Variants in DPP10 observed in about 807,000 individuals in gnomAD.
DPP10 encodes inactive dipeptidyl peptidase 10.
DPP10 carries 33 observed loss-of-function variants against 120.9 expected under a neutral mutation model. That is an observed-to-expected ratio of 0.27 (90% CI 0.21 to 0.37). DPP10 has a LOEUF of 0.37. Among genes scored for constraint, DPP10 ranks in the 10% least tolerant of loss-of-function variants. DPP10 has a pLI of 1.00. For missense variants in DPP10, 816 were observed against 942.8 expected (o/e 0.87, Z 1.76); for synonymous variants, 337 against 326.1 (o/e 1.03, Z -0.36).
chr2:114,926,746 G>T (rs576873955), intron 1 of DPP10, among the ~76,000 whole-genome samples: 1 of 152,242 alleles, frequency 6.6e-6, no homozygotes, highest in South Asian at 2.1e-4. Context: ...GAACAGCCAG[G>T]TCAAATCTAA....
At chr2:115,151,898 T>C (rs1202257670) in intron 1 of DPP10, among the ~76,000 whole-genome samples, 2 of 152,016 alleles carry the variant, frequency 1.3e-5, no homozygotes, top group African/African-American at 2.4e-5. Context: ...CTTTAAAGTG[T>C]TATTTTTGTA....
intron 1 of DPP10, among the ~76,000 whole-genome samples, chr2:114,464,312 T>G (rs2104580094): frequency 6.6e-6 from 1 of 152,324 alleles, no homozygotes; most frequent in South Asian, 2.1e-4. Flanking sequence ...TAATGGTATC[T>G]TCTTGTTTTA....
At chr2:115,701,730 A>G (rs2091897517) in intron 7 of DPP10, among the ~76,000 whole-genome samples, 1 of 152,100 alleles carries the variant, frequency 6.6e-6, no homozygotes, top group African/African-American at 2.4e-5. Context: ...GGAATAAAGT[A>G]TACAGGAGTT....
intron 1 of DPP10, among the ~76,000 whole-genome samples, chr2:114,892,398 T>A (rs191364117): frequency 1.5e-3 from 221 of 152,294 alleles, no homozygotes; most frequent in African/African-American, 4.8e-3. Flanking sequence ...CATGGAGAAC[T>A]GAGAAACAAC....
chr2:115,276,578 G>T (rs1158548929), intron 1 of DPP10, among the ~76,000 whole-genome samples: 1 of 152,158 alleles, frequency 6.6e-6, no homozygotes, highest in Non-Finnish European at 1.5e-5. Flanking sequence ...AGTGAGAAAG[G>T]TGACATTACT....
chr2:114,654,290 T>A (rs1196619173), intron 1 of DPP10, among the ~76,000 whole-genome samples: 2 of 152,162 alleles, frequency 1.3e-5, no homozygotes, highest in African/African-American at 4.8e-5. Context: ...TGACTTCCCA[T>A]TACATGACTT....
intron 5 of DPP10, among the ~76,000 whole-genome samples, chr2:115,657,532 T>C (rs1289532159): frequency 6.6e-6 from 1 of 151,880 alleles, no homozygotes; most frequent in Non-Finnish European, 1.5e-5. Context: ...CTCTTGTCTT[T>C]TCTCCCAGCT....
At chr2:114,445,771 A>G (rs13391077) in intron 1 of DPP10, among the ~76,000 whole-genome samples, 3,726 of 152,210 alleles carry the variant, frequency 0.024, 162 homozygotes, top group African/African-American at 0.084. Context: ...CGTTCTGGCC[A>G]TTCTTTAGCT....
intron 1 of DPP10, among the ~76,000 whole-genome samples, chr2:114,444,394 A>G (rs1677825901): frequency 6.6e-6 from 1 of 152,188 alleles, no homozygotes; most frequent in Non-Finnish European, 1.5e-5. Flanking sequence ...ACTGCTAAGT[A>G]TGTCTAGAAT....
At chr2:115,329,312 A>G (rs1397267663) in intron 2 of DPP10, among the ~76,000 whole-genome samples, 1 of 152,082 alleles carries the variant, frequency 6.6e-6, no homozygotes, top group Non-Finnish European at 1.5e-5. Flanking sequence ...TTTTGGAAAT[A>G]TACTCAGATA....
chr2:115,184,187 T>C (rs2105168930), intron 1 of DPP10, among the ~76,000 whole-genome samples: 1 of 152,266 alleles, frequency 6.6e-6, no homozygotes, highest in East Asian at 1.9e-4. Context: ...TGTGGGAGAT[T>C]ATGGGTCAGA....
intron 1 of DPP10, among the ~76,000 whole-genome samples, chr2:115,184,830 T>C (rs1173343526): frequency 6.6e-6 from 1 of 152,188 alleles, no homozygotes; most frequent in Non-Finnish European, 1.5e-5. Context: ...CAGAATAATC[T>C]AGTAGAAGCT....
At chr2:115,571,511 C>T (rs1196395538) in intron 5 of DPP10, among the ~76,000 whole-genome samples, 1 of 152,034 alleles carries the variant, frequency 6.6e-6, no homozygotes, top group Non-Finnish European at 1.5e-5. Flanking sequence ...CGTTAATTCA[C>T]TTAGGGTAAT....
At chr2:115,414,717 T>C (rs1437576912) in intron 3 of DPP10, among the ~76,000 whole-genome samples, 1 of 152,176 alleles carries the variant, frequency 6.6e-6, no homozygotes, top group East Asian at 1.9e-4. Context: ...AATGTGAAAT[T>C]AGCTTTGCCT....
intron 19 of DPP10, among the ~76,000 whole-genome samples, chr2:115,800,211 C>G (rs368104906): frequency 6.6e-6 from 1 of 151,716 alleles, no homozygotes; most frequent in Non-Finnish European, 1.5e-5. Context: ...TTTCATGTGT[C>G]TTTTGGCTGC....
chr2:115,145,690 C>T (rs190394955), intron 1 of DPP10, among the ~76,000 whole-genome samples: 81 of 152,098 alleles, frequency 5.3e-4, no homozygotes, highest in East Asian at 3.1e-3. Context: ...CTGGATCATA[C>T]GGTAAGAGTA....
Position 114,662,126 on chromosome 2 carries a change from G to A in DPP10, c.60+219288G>A, listed in dbSNP as rs769422648. ...GGAAAGGCCTCTGCCGCTCAGTGGG[G>A]ACCCAGCAAAGCCAAAAATCAGGTC... On this transcript the variant is annotated intron_variant, in intron 1 of 25. Transcript: ENST00000410059. Among the ~76,000 whole-genome samples, 5 of 152,268 alleles carry A rather than the reference G, an allele frequency of 3.3e-5. No homozygotes were observed. The East Asian group carries it at 9.7e-4, about 29-fold the overall frequency.
intron 1 of DPP10, among the ~76,000 whole-genome samples, chr2:114,706,432 TA>T (rs1006794865): frequency 6.6e-6 from 1 of 152,188 alleles, no homozygotes; most frequent in African/African-American, 2.4e-5. Context: ...CTGAAGACTC[TA>T]AAGGAGAATA....
At chr2:115,106,844 G>A (rs894194140) in intron 1 of DPP10, among the ~76,000 whole-genome samples, 3 of 152,100 alleles carry the variant, frequency 2.0e-5, no homozygotes, top group African/African-American at 4.8e-5. Context: ...GGGAGGCCGA[G>A]GCGGGTGGAT....
Sources: gnomAD v4.1 joint callset for allele counts (sites outside exome capture counted in the v4.1 genomes callset) on GRCh38, gnomAD v4.1.1 for gene constraint, MANE v1.5 for transcripts, NCBI Gene and HGNC (gene_info 2026-07-23, HGNC 2026-07-21) for gene names.